The following SETD2 variants were observed in gnomAD, a reference collection of about 807,000 sequenced individuals.
The protein encoded by SETD2 is SET domain containing 2, histone lysine methyltransferase.
SETD2 carries 31 observed loss-of-function variants against 242.1 expected under a neutral mutation model. That is an observed-to-expected ratio of 0.13 (90% CI 0.10 to 0.17). The LOEUF is 0.17. Among genes scored for constraint, SETD2 ranks in the 10% least tolerant of loss-of-function variants. The probability of loss-of-function intolerance (pLI) is 1.00; values close to 1 mark genes in which losing one functional copy is unlikely to be tolerated. For synonymous variants in SETD2, 1,006 were observed against 1,066.5 expected (o/e 0.94, Z 1.11); for missense variants, 2,481 against 3,046.3 (o/e 0.81, Z 4.37).
intron 1 of SETD2, among the ~76,000 whole-genome samples, chr3:47,138,097 G>A (rs9852167): frequency 0.047 from 6,377 of 135,860 alleles, 457 homozygotes; most frequent in African/African-American, 0.16. Context: ...TCAGCCTCCC[G>A]AGTAGCTGGG....
intron 12 of SETD2, chr3:47,080,691 T>C (rs779499548): frequency 1.1e-5 from 6 of 527,866 alleles, no homozygotes; most frequent in South Asian, 8.2e-5. Context: ...CAAGTGGCAA[T>C]GTGCTAGGTG....
At position 47,155,663 on chromosome 3, in the gene SETD2, G is replaced by A. The variant is rs571109718; in HGVS notation, c.71+8191C>T. ...TCTTCAAAAAATACAAAAATTAGCC[G>A]GGTGTGGTAGTGTGCACCTGTAGTC... On this transcript the variant is annotated intron_variant, in intron 1 of 20. Transcript: ENST00000409792. Among the ~76,000 whole-genome samples the A allele has an allele frequency of 1.3e-4, 20 of 152,146 alleles. No individual in the cohort carries two copies. The East Asian group carries it at 2.5e-3, about 19-fold the overall frequency.
chr3:47,048,111 G>A (rs147237377), intron 15 of SETD2, among the ~76,000 whole-genome samples: 222 of 152,144 alleles, frequency 1.5e-3, no homozygotes, highest in African/African-American at 5.1e-3. Flanking sequence ...TTTTTAGGCC[G>A]GGGCACGGTG....
intron 1 of SETD2, among the ~76,000 whole-genome samples, chr3:47,142,152 C>A (rs954196291): frequency 6.6e-6 from 1 of 152,114 alleles, no homozygotes; most frequent in African/African-American, 2.4e-5. Context: ...CCTGGTACAT[C>A]CGTTCAATGT....
intron 18 of SETD2, among the ~76,000 whole-genome samples, chr3:47,029,299 C>A (rs1465941652): frequency 1.3e-5 from 2 of 151,462 alleles, no homozygotes; most frequent in Admixed American, 6.6e-5. Context: ...CTTGAGGGAT[C>A]CACCTGCTTT....
At chr3:47,066,802 T>C (rs555536171) in intron 13 of SETD2, among the ~76,000 whole-genome samples, 3 of 151,970 alleles carry the variant, frequency 2.0e-5, no homozygotes, top group Non-Finnish European at 4.4e-5. Context: ...GAATGTCTGC[T>C]CTAGAGGACA....
Position 47,067,690 on chromosome 3 carries a change from G to A in SETD2, c.6061-572C>T, listed in dbSNP as rs560936485. The stretch of plus-strand genomic sequence containing the variant: ...CTCCCAAAGTGCTGGGATTACAGGC[G>A]TGAGCCACCATGCCTGGCCAAGTAT... On this transcript the variant is annotated intron_variant, in intron 12 of 20. Transcript: ENST00000409792. Among the ~76,000 whole-genome samples, 582 of 152,218 alleles carry A rather than the reference G, an allele frequency of 3.8e-3. 2 individuals are homozygous for A. The highest frequency in any genetic ancestry group is 0.012 in the African/African-American group (485 of 41,542).
intron 1 of SETD2, among the ~76,000 whole-genome samples, chr3:47,138,995 T>C (rs1209528888): frequency 6.6e-6 from 1 of 152,150 alleles, no homozygotes; most frequent in African/African-American, 2.4e-5. Context: ...TGTTACCCAC[T>C]GTCACCCAGA....
At chr3:47,028,465 C>T (rs111689139) in intron 18 of SETD2, among the ~76,000 whole-genome samples, 3 of 152,152 alleles carry the variant, frequency 2.0e-5, no homozygotes, top group African/African-American at 7.2e-5. Flanking sequence ...AGATCCCAGA[C>T]AGGTGATGCC....
At chr3:47,021,605 G>T (rs1003064037) in intron 18 of SETD2, among the ~76,000 whole-genome samples, 3 of 152,136 alleles carry the variant, frequency 2.0e-5, no homozygotes, top group African/African-American at 7.2e-5. Flanking sequence ...GATAAAATGA[G>T]GGGTCCCCAG....
chr3:47,045,581 C>G (rs1422817293), intron 16 of SETD2, among the ~76,000 whole-genome samples: 1 of 148,566 alleles, frequency 6.7e-6, no homozygotes, highest in Non-Finnish European at 1.5e-5. Context: ...ACCTGTAGTC[C>G]CAGCTACTCA....
rs778611476 is a variant in SETD2, at chr3:47,124,419, C to T, written c.217G>A (p.Val73Met). The T allele has an allele frequency of 6.4e-7, 1 of 1,552,006 alleles. No homozygotes were observed. The highest frequency in any genetic ancestry group is 8.7e-7 in the Non-Finnish European group (1 of 1,147,064). ...TTTGTAAGGCTGAAGCTGAATGACA[C>T]CTTCTGTCGTCCCTGTTCTTCCAAA... ...VNLEEQGRQKVSFSFSLTKKT... is the reference protein window; with the variant it reads ...VNLEEQGRQKMSFSFSLTKKT... Residue 73 changes from valine to methionine, a missense_variant, in exon 3 of 21, where the codon GTG becomes ATG. Val to Met is a conservative substitution (Grantham distance 21). Around this residue, in one of 17 missense-constraint regions of SETD2, gnomAD observed 334 missense variants for 374.5 expected, o/e 0.89. Coordinates refer to ENST00000409792, the MANE Select transcript of SETD2 (RefSeq NM_014159.7).
chr3:47,050,792 G>A (rs527632917), intron 15 of SETD2, among the ~76,000 whole-genome samples: 134 of 134,000 alleles, frequency 1.0e-3, no homozygotes, highest in Admixed American at 2.7e-3. Context: ...GTGCAGTGGC[G>A]CAATCTCAGC....
chr3:47,093,963 G>A (rs2041906542), intron 9 of SETD2, among the ~76,000 whole-genome samples: 1 of 152,152 alleles, frequency 6.6e-6, no homozygotes, highest in Admixed American at 6.5e-5. Context: ...GTCTCTGGAA[G>A]TTGTCTATTT....
chr3:47,122,786 G>A lies in SETD2; in HGVS notation c.1850C>T (p.Pro617Leu), dbSNP rs758973573. 9 of 1,611,578 alleles carry A rather than the reference G, an allele frequency of 5.6e-6. No individual in the cohort carries two copies. The Admixed American group carries it at 1.0e-4, about 18-fold the overall frequency. ...PEREKAGSPA[P>L]SNRLNDSPTL... ...AGGTGAATCATTTAATCGATTTGAT[G>A]GAGCTGGAGACCCAGCCTTTTCTCT... is the stretch of plus-strand genomic sequence containing the variant. The change falls in exon 3 of 21, where the codon CCA becomes CTA. Residue 617 changes from proline to leucine, a missense_variant. Transcript: ENST00000409792.
chr3:47,050,723 C>CCTTTTTTTTTTTT (rs1483439791), intron 15 of SETD2, among the ~76,000 whole-genome samples: 3 of 66,878 alleles, frequency 4.5e-5, no homozygotes, highest in Non-Finnish European at 7.8e-5. Flanking sequence ...TTTCCTCTCT[C>CCTTTTTTTTTTTT]TTTTTTTTTT....
chr3:47,108,504 A>G (rs1335189897), intron 5 of SETD2, among the ~76,000 whole-genome samples: 1 of 152,162 alleles, frequency 6.6e-6, no homozygotes, highest in Non-Finnish European at 1.5e-5. Context: ...CTAAATAACT[A>G]TTTACCTCAT....
intron 8 of SETD2, chr3:47,098,399 C>T (rs1372505145): frequency 2.0e-5 from 4 of 195,306 alleles, no homozygotes; most frequent in Non-Finnish European, 3.2e-5. Flanking sequence ...AATAAAATTG[C>T]TTAAATAGTT....
At chr3:47,118,838 T>G (rs1171725161) in intron 3 of SETD2, among the ~76,000 whole-genome samples, 1 of 152,084 alleles carries the variant, frequency 6.6e-6, no homozygotes, top group Non-Finnish European at 1.5e-5. Context: ...TTTATATTCT[T>G]TTACAAAGAT....
Sources: gnomAD v4.1 joint callset for allele counts (sites outside exome capture counted in the v4.1 genomes callset) on GRCh38, gnomAD v4.1.1 for gene constraint, gnomAD v4.1.1 regional missense constraint, MANE v1.5 for transcripts, NCBI Gene and HGNC (gene_info 2026-07-23, HGNC 2026-07-21) for gene names.